ACER3: variants seen among roughly 807,000 people sequenced by gnomAD.
ACER3 encodes alkaline ceramidase 3, also known as alkCDase 3.
Under a neutral mutation model 48.9 loss-of-function variants are expected in ACER3, and 16 were observed. The ratio of observed to expected loss-of-function variants is 0.33; its 90% CI spans 0.22 to 0.50. The LOEUF is 0.50. Ranked by LOEUF, ACER3 falls within the 20% of genes least tolerant of loss-of-function variation. The probability of loss-of-function intolerance (pLI) is 0.98; values close to 1 mark genes in which losing one functional copy is unlikely to be tolerated. For synonymous variants in ACER3, 109 were observed against 107.8 expected, an observed-to-expected ratio of 1.01 and a Z score of -0.07; for missense variants, 227 against 326.0, an observed-to-expected ratio of 0.70 and a Z score of 2.34.
intron 2 of ACER3, among the ~76,000 whole-genome samples, chr11:76,950,408 TATAA>T (rs1947629389): frequency 3.4e-5 from 1 of 29,506 alleles, no homozygotes; most frequent in African/African-American, 7.9e-5. Flanking sequence ...TATATATATA[TATAA>T]TTTACACATG....
At chr11:77,013,911 A>G (rs1329674345) in intron 7 of ACER3, among the ~76,000 whole-genome samples, 2 of 152,218 alleles carry the variant, frequency 1.3e-5, no homozygotes, top group Non-Finnish European at 2.9e-5. Context: ...TTGATAACAT[A>G]GTAACATAGA....
At chr11:77,003,822 ATGT>A (rs1949081606) in intron 7 of ACER3, among the ~76,000 whole-genome samples, 1 of 152,152 alleles carries the variant, frequency 6.6e-6, no homozygotes, top group Non-Finnish European at 1.5e-5. Flanking sequence ...ATTTAGGTGT[ATGT>A]TGTTTCACAT....
intron 2 of ACER3, among the ~76,000 whole-genome samples, chr11:76,946,732 C>G (rs1444720376): frequency 6.6e-6 from 1 of 152,216 alleles, no homozygotes; most frequent in Non-Finnish European, 1.5e-5. Context: ...GCAGCTTCAT[C>G]TGTAGGTTCC....
rs79767691 is a variant in ACER3 at position 76,936,191 on chromosome 11, C to T, written c.214+9524C>T. 2.5e-3 allele frequency among the ~76,000 whole-genome samples: 383 copies of T among 152,152 alleles called. 1 individual carries two copies. Among genetic ancestry groups the T allele is most frequent in the African/African-American group, 8.9e-3 (369 of 41,524 alleles). On this transcript the variant is annotated intron_variant, in intron 2 of 10. Transcript: ENST00000532485. Reference sequence around the variant, plus strand: ...GATGGTGGCAGGCAAAGAGTAGATTCGAATTAGAATAGTATAGCACTGATA... The same window carrying T: ...GATGGTGGCAGGCAAAGAGTAGATTTGAATTAGAATAGTATAGCACTGATA...
At chr11:76,985,184 C>T (rs1565213965) in intron 4 of ACER3, among the ~76,000 whole-genome samples, 1 of 152,074 alleles carries the variant, frequency 6.6e-6, no homozygotes, top group Non-Finnish European at 1.5e-5. Flanking sequence ...CCAGGCTGGA[C>T]CCTCTATCTC....
At chr11:76,912,908 C>T (rs531551679) in intron 1 of ACER3, among the ~76,000 whole-genome samples, 141 of 152,022 alleles carry the variant, frequency 9.3e-4, no homozygotes, top group Non-Finnish European at 1.4e-3. Context: ...AAGAATTCGA[C>T]TGAGGGCCAT....
chr11:76,883,503 C>T lies in ACER3; in HGVS notation c.103+22424C>T, dbSNP rs146176897. Among the ~76,000 whole-genome samples the T allele has an allele frequency of 1.8e-3, 240 of 135,900 alleles. 2 individuals are homozygous for T. The highest frequency in any genetic ancestry group is 5.5e-3 in the African/African-American group (206 of 37,638). 89.2% of individuals were successfully genotyped at this position (135,900 alleles called of 152,430 possible). A position where few individuals can be genotyped will look rare whatever the true frequency, so the allele number is the denominator to read the frequency against. On this transcript the variant is annotated intron_variant, in intron 1 of 10. Transcript: ENST00000532485. ...TCGCCCAGGCTGGAATGCAGTAGCA[C>T]GATCTCAGCTCACTGCAACCTCCGC...
rs144985621 is a variant in ACER3 at position 77,013,090 on chromosome 11, C to T, written c.498-1926C>T. Among the ~76,000 whole-genome samples, 383 of 152,232 alleles carry T rather than the reference C, an allele frequency of 2.5e-3. 5 individuals are homozygous for T. In the East Asian group the frequency reaches 0.051, roughly 20 times the overall value. On this transcript the variant is annotated intron_variant, in intron 7 of 10. Transcript: ENST00000532485. ...GACCAAAAAAAATGAATTTCAACCTCACACCAATATAAAAATTTAATAGAA... is the reference window on the plus strand; with the variant it reads ...GACCAAAAAAAATGAATTTCAACCTTACACCAATATAAAAATTTAATAGAA...
At chr11:76,969,955 A>G (rs1402763672) in intron 3 of ACER3, among the ~76,000 whole-genome samples, 1 of 92,588 alleles carries the variant, frequency 1.1e-5, no homozygotes, top group Non-Finnish European at 3.4e-5. Flanking sequence ...TAATAATAAA[A>G]TTAAAAAAAA....
Position 76,964,340 on chromosome 11 carries a change from C to G in ACER3, c.267+5309C>G, listed in dbSNP as rs1220673269. On this transcript the variant is annotated intron_variant, in intron 3 of 10. Transcript: ENST00000532485. ...GAAGCTCGAACTGGATGAAGCCCAC[C>G]ACAGCTCAAGGAGGCCTGCCTGCCT... 2.6e-5 allele frequency among the ~76,000 whole-genome samples: 4 copies of G among 151,380 alleles called. No individual in the cohort carries two copies. In the East Asian group the frequency reaches 7.7e-4, roughly 29 times the overall value.
Position 76,958,988 on chromosome 11 carries a change from T to C in ACER3, c.224T>C (p.Met75Thr). The C allele has an allele frequency of 6.2e-7, 1 of 1,614,062 alleles. No individual in the cohort carries two copies. The highest frequency in any genetic ancestry group is 8.5e-7 in the Non-Finnish European group (1 of 1,179,986). ...ATTTGTTTAATTTCAGTGGTAGGAA[T>C]GGGATCCTGGTGCTTCCACATGACT... Reference protein sequence around the residue: ...ASYLALTVVGMGSWCFHMTLK... With the variant: ...ASYLALTVVGTGSWCFHMTLK... Residue 75 changes from methionine (M) to threonine (T), a missense_variant, in exon 3 of 11, where the codon ATG (methionine) becomes ACG (threonine). By Grantham distance (81) the Met-to-Thr change is moderately conservative. This residue lies in a region of ACER3 where 195 missense variants were observed against 290.8 expected (regional missense o/e 0.67). Transcript: ENST00000532485.
chr11:76,965,716 T>C (rs1021425453), intron 3 of ACER3, among the ~76,000 whole-genome samples: 11 of 150,962 alleles, frequency 7.3e-5, no homozygotes, highest in Non-Finnish European at 1.5e-4. Context: ...CTAAGCTTCA[T>C]AAGTGAAGGA....
chr11:76,954,405 TC>T (rs1194868622), intron 2 of ACER3, among the ~76,000 whole-genome samples: 1 of 152,196 alleles, frequency 6.6e-6, no homozygotes, highest in Non-Finnish European at 1.5e-5. Flanking sequence ...TAGAATGATC[TC>T]ATTTTTAAAA....
chr11:76,940,183 A>T lies in ACER3; in HGVS notation c.214+13516A>T, dbSNP rs189563808. On this transcript the variant is annotated intron_variant, in intron 2 of 10. Coordinates refer to ENST00000532485, the MANE Select transcript of ACER3 (RefSeq NM_018367.7). ...TTTTAAATAGAGATGGGTTCTCACTATGTTGGCCTGGGTTGGCCTTCAACT... is the reference window on the plus strand; with the variant it reads ...TTTTAAATAGAGATGGGTTCTCACTTTGTTGGCCTGGGTTGGCCTTCAACT... Among the ~76,000 whole-genome samples the T allele has an allele frequency of 4.1e-3, 622 of 152,072 alleles. 1 individual carries two copies. The highest frequency in any genetic ancestry group is 7.0e-3 in the Non-Finnish European group (476 of 67,994).
rs1945454391 is a variant in ACER3, at chr11:76,878,897, A to G, written c.103+17818A>G. On this transcript the variant is annotated intron_variant, in intron 1 of 10. Coordinates refer to ENST00000532485, the MANE Select transcript of ACER3 (RefSeq NM_018367.7). ...GTGGTATCTCATTGTAATTTTAATT[A>G]GCATTTACCTGATGTCTGAGGATGT... Among the ~76,000 whole-genome samples the G allele has an allele frequency of 3.3e-5, 5 of 152,192 alleles. No homozygotes were observed. The South Asian group carries it at 1.0e-3, about 31-fold the overall frequency.
intron 1 of ACER3, among the ~76,000 whole-genome samples, chr11:76,923,652 A>G (rs1205956791): frequency 1.3e-5 from 2 of 152,044 alleles, no homozygotes; most frequent in African/African-American, 2.4e-5. Context: ...AAACAGTTTG[A>G]TCCTTTTGGA....
chr11:76,863,634 A>G (rs963782100), intron 1 of ACER3, among the ~76,000 whole-genome samples: 3 of 152,226 alleles, frequency 2.0e-5, no homozygotes, highest in African/African-American at 7.2e-5. Flanking sequence ...TAACATCACG[A>G]TAGTATTTAC....
chr11:77,005,996 T>A (rs1307875438), intron 7 of ACER3, among the ~76,000 whole-genome samples: 34,476 of 86,158 alleles, frequency 0.4, 8,541 homozygotes, highest in Non-Finnish European at 0.61. Context: ...TATATATTTT[T>A]TTTTTTTTTT....
rs1257175022 is a variant in ACER3, at chr11:76,933,994, C to T, written c.214+7327C>T. Among the ~76,000 whole-genome samples the T allele has an allele frequency of 2.0e-5, 3 of 152,076 alleles. No individual in the cohort carries two copies. The East Asian group carries it at 5.8e-4, about 29-fold the overall frequency. Reference sequence around the variant, plus strand: ...GGGGTCGCGGCTGTGCAGACGTGCTCCTCACATCCCAGACGGGGCGGCGGG... The same window carrying T: ...GGGGTCGCGGCTGTGCAGACGTGCTTCTCACATCCCAGACGGGGCGGCGGG... On this transcript the variant is annotated intron_variant, in intron 2 of 10. Transcript: ENST00000532485.
Sources: gnomAD v4.1 joint callset for allele counts (sites outside exome capture counted in the v4.1 genomes callset) on GRCh38, gnomAD v4.1.1 for gene constraint, gnomAD v4.1.1 regional missense constraint, MANE v1.5 for transcripts, NCBI Gene and HGNC (gene_info 2026-07-23, HGNC 2026-07-21) for gene names.